GRIK2: variants seen among roughly 807,000 people sequenced by gnomAD.
GRIK2 encodes the protein glutamate receptor ionotropic, kainate 2.
In GRIK2, 32 loss-of-function variants were observed where a neutral mutation model predicts 100.3. The observed-to-expected ratio is 0.32, with a 90% CI of 0.24 to 0.43. The LOEUF (loss-of-function observed/expected upper bound fraction) is 0.43. Ranked by LOEUF, GRIK2 falls within the 20% of genes least tolerant of loss-of-function variation. The pLI is 1.00. For missense variants in GRIK2, 843 were observed against 1,114.9 expected, an observed-to-expected ratio of 0.76 and a Z score of 3.47; for synonymous variants, 417 against 389.4, an observed-to-expected ratio of 1.07 and a Z score of -0.83.
chr6:101,677,833 ATGG>A (rs968365279), intron 5 of GRIK2, among the ~76,000 whole-genome samples: 5 of 152,252 alleles, frequency 3.3e-5, no homozygotes, highest in African/African-American at 1.2e-4. Context: ...CTGTTATAGC[ATGG>A]TTAATTTATT....
chr6:101,523,578 G>A (rs1219871482), intron 2 of GRIK2, among the ~76,000 whole-genome samples: 2 of 152,104 alleles, frequency 1.3e-5, no homozygotes, highest in Non-Finnish European at 2.9e-5. Flanking sequence ...AAGGGCAGAA[G>A]ACCATTCCAA....
At chr6:101,644,997 G>A (rs1781450533) in intron 4 of GRIK2, among the ~76,000 whole-genome samples, 1 of 151,642 alleles carries the variant, frequency 6.6e-6, no homozygotes, top group African/African-American at 2.4e-5. Flanking sequence ...GTAACTGTAA[G>A]GTGCAAAGCC....
intron 2 of GRIK2, among the ~76,000 whole-genome samples, chr6:101,556,420 C>T (rs1327465690): frequency 3.1e-4 from 44 of 143,226 alleles, no homozygotes; most frequent in African/African-American, 1.1e-3. Context: ...CTGCAAGCTC[C>T]GCCTTCCAGG....
intron 14 of GRIK2, among the ~76,000 whole-genome samples, chr6:101,977,162 A>ATTTT (rs56712029): frequency 6.7e-6 from 1 of 149,142 alleles, no homozygotes; most frequent in African/African-American, 2.5e-5. Flanking sequence ...GGGATTTATT[A>ATTTT]TTTTTTTTTT....
At chr6:101,683,249 T>C (rs1351457822) in intron 6 of GRIK2, among the ~76,000 whole-genome samples, 2 of 152,090 alleles carry the variant, frequency 1.3e-5, no homozygotes, top group Non-Finnish European at 2.9e-5. Context: ...CAAATTCTTA[T>C]GTTATCTCAG....
At chr6:101,687,478 A>T (rs1034637591) in intron 7 of GRIK2, among the ~76,000 whole-genome samples, 2 of 151,906 alleles carry the variant, frequency 1.3e-5, no homozygotes, top group Non-Finnish European at 2.9e-5. Context: ...AGCTTTTTCT[A>T]TTATGCTTGT....
At chr6:102,029,718 G>A (rs1026947329) in intron 14 of GRIK2, among the ~76,000 whole-genome samples, 26 of 151,128 alleles carry the variant, frequency 1.7e-4, no homozygotes, top group East Asian at 7.8e-4. Context: ...CTAAATCCTC[G>A]TTTATTCTAC....
intron 2 of GRIK2, among the ~76,000 whole-genome samples, chr6:101,470,362 G>C (rs2128255728): frequency 6.6e-6 from 1 of 152,198 alleles, no homozygotes; most frequent in East Asian, 1.9e-4. Context: ...CAATTGGTGA[G>C]AGGGCAAGCT....
chr6:102,049,744 A>G (rs547885012), intron 15 of GRIK2, among the ~76,000 whole-genome samples: 42 of 152,286 alleles, frequency 2.8e-4, no homozygotes, highest in African/African-American at 8.2e-4. Context: ...GATATATTAT[A>G]AAAAGCAAGA....
At chr6:101,867,840 T>C (rs926930575) in intron 11 of GRIK2, among the ~76,000 whole-genome samples, 1 of 151,530 alleles carries the variant, frequency 6.6e-6, no homozygotes, top group Non-Finnish European at 1.5e-5. Context: ...CTAATAACAA[T>C]CTTCTGCTAA....
Position 101,925,728 on chromosome 6 carries a change from A to G in GRIK2, c.1867+1009A>G, listed in dbSNP as rs199571558. Among the ~76,000 whole-genome samples the G allele has an allele frequency of 5.7e-4, 86 of 151,744 alleles. No homozygotes were observed. The East Asian group carries it at 0.015, about 27-fold the overall frequency. On this transcript the variant is annotated intron_variant, in intron 13 of 16. Transcript: ENST00000369134. ...ATTTTAAGTTTTTGTTGTGTATTTA[A>G]TATCCACTTTGAAGAAATTCATTTA...
chr6:101,956,716 T>C (rs1791957465), intron 14 of GRIK2, among the ~76,000 whole-genome samples: 1 of 151,290 alleles, frequency 6.6e-6, no homozygotes, highest in Admixed American at 6.6e-5. Flanking sequence ...CATGATTTCA[T>C]TCTTTTTTAT....
intron 2 of GRIK2, among the ~76,000 whole-genome samples, chr6:101,493,876 T>A (rs563400639): frequency 6.7e-6 from 1 of 148,694 alleles, no homozygotes; most frequent in Non-Finnish European, 1.5e-5. Context: ...AAAAACTATT[T>A]CAAAGTTTTA....
intron 2 of GRIK2, among the ~76,000 whole-genome samples, chr6:101,598,664 G>A (rs972252882): frequency 7.2e-6 from 1 of 138,830 alleles, no homozygotes; most frequent in East Asian, 2.1e-4. Flanking sequence ...GGAAAAAAAA[G>A]TATTCTACAA....
chr6:101,655,283 A>AT (rs1285389444), intron 4 of GRIK2, among the ~76,000 whole-genome samples: 5 of 152,144 alleles, frequency 3.3e-5, no homozygotes, highest in African/African-American at 1.2e-4. Context: ...TGGAGTAAGA[A>AT]TTTTTTGTAG....
chr6:101,898,195 TTC>T (rs1443702258), intron 12 of GRIK2, among the ~76,000 whole-genome samples: 4 of 151,898 alleles, frequency 2.6e-5, no homozygotes, highest in African/African-American at 4.8e-5. Flanking sequence ...TAGAGATGTT[TTC>T]TTTTTGTTGA....
chr6:101,620,095 A>G (rs1562265000), intron 2 of GRIK2: 1 of 153,886 alleles, frequency 6.5e-6, no homozygotes, highest in Admixed American at 6.5e-5. Context: ...TCTTTCAGAG[A>G]TGAGGCAGCT....
At chr6:102,000,281 T>A (rs1794868680) in intron 14 of GRIK2, among the ~76,000 whole-genome samples, 1 of 150,770 alleles carries the variant, frequency 6.6e-6, no homozygotes, top group Non-Finnish European at 1.5e-5. Flanking sequence ...GAAGGCTTTT[T>A]TTTTTTTTTT....
intron 12 of GRIK2, among the ~76,000 whole-genome samples, chr6:101,900,125 G>A (rs1347677430): frequency 6.6e-6 from 1 of 152,040 alleles, no homozygotes; most frequent in Admixed American, 6.6e-5. Flanking sequence ...TATTTAGGAA[G>A]ATATTAAAAA....
Sources: allele counts gnomAD v4.1 joint callset (sites outside exome capture counted in the v4.1 genomes callset), GRCh38; gene constraint gnomAD v4.1.1; transcripts MANE v1.5; gene names NCBI Gene and HGNC (gene_info 2026-07-23, HGNC 2026-07-21).